GPC5: variants seen among roughly 807,000 people sequenced by gnomAD.
GPC5 encodes the protein glypican 5, also known as glypican-5.
In GPC5, 47 loss-of-function variants were observed where a neutral mutation model predicts 53.9. That is an observed-to-expected ratio of 0.87 (90% confidence interval 0.69 to 1.11). GPC5 has a LOEUF of 1.11. GPC5 is among the 50% of genes most tolerant of loss of function. The pLI is 0.00. For missense variants in GPC5, 748 were observed against 713.1 expected, an observed-to-expected ratio of 1.05 and a Z score of -0.56; for synonymous variants, 286 against 263.3, an observed-to-expected ratio of 1.09 and a Z score of -0.84.
At chr13:91,406,677 A>G (rs1275662229) in intron 1 of GPC5, among the ~76,000 whole-genome samples, 1 of 152,054 alleles carries the variant, frequency 6.6e-6, no homozygotes, top group African/African-American at 2.4e-5. Context: ...GGTATCACCT[A>G]GACGTGCAAG....
intron 7 of GPC5, among the ~76,000 whole-genome samples, chr13:92,861,164 A>T (rs1031849200): frequency 6.6e-6 from 1 of 152,146 alleles, no homozygotes; most frequent in African/African-American, 2.4e-5. Flanking sequence ...AAATGAATGC[A>T]CCTTAATTTT....
At chr13:91,623,776 A>G (rs867742801) in intron 2 of GPC5, among the ~76,000 whole-genome samples, 1 of 152,134 alleles carries the variant, frequency 6.6e-6, no homozygotes, top group Non-Finnish European at 1.5e-5. Context: ...GCTCAGTTAT[A>G]TAACAAGTTG....
chr13:92,278,209 T>G (rs1230498286), intron 7 of GPC5, among the ~76,000 whole-genome samples: 2 of 151,920 alleles, frequency 1.3e-5, no homozygotes, highest in Non-Finnish European at 2.9e-5. Context: ...TATTTAAAAT[T>G]TTAATGTTTT....
intron 7 of GPC5, among the ~76,000 whole-genome samples, chr13:92,683,514 C>A (rs1278152651): frequency 3.9e-5 from 6 of 152,052 alleles, no homozygotes; most frequent in Admixed American, 3.9e-4. Flanking sequence ...TGCTGGAGGC[C>A]TTTAATTATT....
intron 6 of GPC5, among the ~76,000 whole-genome samples, chr13:92,056,649 G>A (rs974828754): frequency 6.6e-6 from 1 of 151,946 alleles, no homozygotes; most frequent in African/African-American, 2.4e-5. Flanking sequence ...TTTTTAAATG[G>A]GAAATAAAAG....
At chr13:92,352,060 T>A (rs931606379) in intron 7 of GPC5, among the ~76,000 whole-genome samples, 1 of 152,146 alleles carries the variant, frequency 6.6e-6, no homozygotes. Context: ...ATGACTTAAC[T>A]CTTGAGCTTT....
At chr13:92,558,553 A>T (rs1185540167) in intron 7 of GPC5, among the ~76,000 whole-genome samples, 1 of 152,034 alleles carries the variant, frequency 6.6e-6, no homozygotes, top group Non-Finnish European at 1.5e-5. Context: ...TATGTTTGTC[A>T]TATTTGCACC....
chr13:92,096,882 G>T (rs916155188), intron 6 of GPC5, among the ~76,000 whole-genome samples: 1 of 152,218 alleles, frequency 6.6e-6, no homozygotes, highest in Non-Finnish European at 1.5e-5. Context: ...GGATTTTGGT[G>T]ATAGGCCAAG....
chr13:92,597,775 C>G (rs777294539), intron 7 of GPC5, among the ~76,000 whole-genome samples: 3 of 152,192 alleles, frequency 2.0e-5, no homozygotes, highest in Non-Finnish European at 4.4e-5. Flanking sequence ...ATGAATCTGT[C>G]TTTATGTTAG....
At chr13:92,211,331 T>G (rs1350912212) in intron 7 of GPC5, among the ~76,000 whole-genome samples, 1 of 152,226 alleles carries the variant, frequency 6.6e-6, no homozygotes, top group Admixed American at 6.5e-5. Flanking sequence ...GCTGCCAATT[T>G]CCTATCCAGA....
intron 7 of GPC5, among the ~76,000 whole-genome samples, chr13:92,743,755 G>T (rs113547217): frequency 6.6e-6 from 1 of 151,916 alleles, no homozygotes; most frequent in Non-Finnish European, 1.5e-5. Flanking sequence ...TTTGATATTC[G>T]TCCCATCAAT....
At chr13:91,833,300 A>G (rs563472261) in intron 5 of GPC5, among the ~76,000 whole-genome samples, 1 of 152,292 alleles carries the variant, frequency 6.6e-6, no homozygotes, top group African/African-American at 2.4e-5. Flanking sequence ...TTCACAGCCG[A>G]ATTCTACCAG....
At chr13:92,708,025 T>C (rs1469872941) in intron 7 of GPC5, among the ~76,000 whole-genome samples, 1 of 152,142 alleles carries the variant, frequency 6.6e-6, no homozygotes, top group African/African-American at 2.4e-5. Context: ...AGGTAAGGAA[T>C]AGAGCATTTC....
intron 6 of GPC5, among the ~76,000 whole-genome samples, chr13:92,061,864 T>C (rs2041126747): frequency 6.6e-6 from 1 of 152,018 alleles, no homozygotes; most frequent in Non-Finnish European, 1.5e-5. Context: ...CATATTTTGA[T>C]ATGCTGCATA....
At chr13:92,593,435 G>A (rs1483522864) in intron 7 of GPC5, among the ~76,000 whole-genome samples, 2 of 151,064 alleles carry the variant, frequency 1.3e-5, no homozygotes, top group Non-Finnish European at 3.0e-5. Flanking sequence ...TCTTTTTCTG[G>A]AAACATAAAA....
chr13:92,641,458 A>G (rs1177186686), intron 7 of GPC5, among the ~76,000 whole-genome samples: 1 of 152,224 alleles, frequency 6.6e-6, no homozygotes, highest in East Asian at 1.9e-4. Flanking sequence ...AAAGAGATAT[A>G]AAAACTAAAT....
At chr13:92,125,161 C>T (rs1333006551) in intron 6 of GPC5, among the ~76,000 whole-genome samples, 1 of 152,082 alleles carries the variant, frequency 6.6e-6, no homozygotes, top group East Asian at 1.9e-4. Flanking sequence ...GTCTATAGCA[C>T]AACACCTGGC....
chr13:91,550,373 A>C (rs2030561968), intron 2 of GPC5, among the ~76,000 whole-genome samples: 1 of 152,112 alleles, frequency 6.6e-6, no homozygotes, highest in South Asian at 2.1e-4. Flanking sequence ...GGTAATTATG[A>C]TGTGTCAGTA....
intron 7 of GPC5, among the ~76,000 whole-genome samples, chr13:92,402,245 C>T (rs2139338051): frequency 1.3e-5 from 2 of 152,190 alleles, no homozygotes. Flanking sequence ...TTATTAATAG[C>T]AGCGAGTTTG....
Sources: allele counts gnomAD v4.1 joint callset (sites outside exome capture counted in the v4.1 genomes callset), GRCh38; gene constraint gnomAD v4.1.1; transcripts MANE v1.5; gene names NCBI Gene and HGNC (gene_info 2026-07-23, HGNC 2026-07-21).